Variants in ENTPD1 observed in about 807,000 individuals in gnomAD.
ENTPD1 encodes the protein ATP diphosphohydrolase.
ENTPD1 carries 33 observed loss-of-function variants against 57.0 expected under a neutral mutation model. That is an observed-to-expected ratio of 0.58 (90% CI 0.44 to 0.77). The LOEUF is 0.77. Ranked by LOEUF, ENTPD1 falls within the 30% of genes least tolerant of loss-of-function variation. The pLI, the probability that ENTPD1 is intolerant of heterozygous loss-of-function variation, is 0.00. For missense variants in ENTPD1, 501 were observed against 603.4 expected, an observed-to-expected ratio of 0.83 and a Z score of 1.78; for synonymous variants, 202 against 218.8, an observed-to-expected ratio of 0.92 and a Z score of 0.68.
At position 95,852,504 on chromosome 10, in the gene ENTPD1, C is replaced by T. The variant is rs548497327; in HGVS notation, c.1074+4798C>T. 2.6e-5 allele frequency among the ~76,000 whole-genome samples: 4 copies of T among 152,230 alleles called. No individual in the cohort carries two copies. The South Asian group carries it at 8.3e-4, about 32-fold the overall frequency. ...GGTGTATTAGACATGAAGTCTTTGC[C>T]CATGCCCATGTCCTGAATAGTATTG... On this transcript the variant is annotated intron_variant, in intron 7 of 9. Transcript: ENST00000371205.
intron 2 of ENTPD1, among the ~76,000 whole-genome samples, chr10:95,836,790 G>C (rs1566215516): frequency 6.6e-6 from 1 of 152,220 alleles, no homozygotes; most frequent in Non-Finnish European, 1.5e-5. Flanking sequence ...ATTGGAAAAT[G>C]CTGGTGTGGT....
chr10:95,848,059 GCAGTGT>G (rs1218792951), intron 7 of ENTPD1, among the ~76,000 whole-genome samples: 4 of 152,168 alleles, frequency 2.6e-5, no homozygotes, highest in Non-Finnish European at 5.9e-5. Context: ...GTTAGCCCCA[GCAGTGT>G]GGGAAAACTG....
chr10:95,845,428 G>C lies in ENTPD1; in HGVS notation c.645G>C (p.Gly215=), dbSNP rs974552212. The change falls in exon 6 of 10, where the codon GGG becomes GGC. Residue 215 remains glycine, a synonymous_variant. Transcript: ENST00000371205. ...AAACCTTTGGAGCTTTGGACCTTGG[G>C]GGAGCCTCTACACAAGTCACTTTTG... ...NQETFGALDL[G]GASTQVTFVP... is the part of the protein sequence containing the mutation. The C allele has an allele frequency of 1.2e-6, 2 of 1,614,074 alleles. No individual in the cohort carries two copies. Among genetic ancestry groups the C allele is most frequent in the Non-Finnish European group, 1.7e-6 (2 of 1,179,996 alleles).
chr10:95,713,033 T>TAAAA (rs1555272407), intron 1 of ENTPD1, among the ~76,000 whole-genome samples: 3 of 143,052 alleles, frequency 2.1e-5, no homozygotes, highest in South Asian at 2.2e-4. Flanking sequence ...GATTCTGTCT[T>TAAAA]AAAAAAAAAA....
At position 95,871,133 on chromosome 10, in the gene ENTPD1, C is replaced by T; in HGVS notation, c.*4750C>T. On this transcript the variant is annotated 3_prime_UTR_variant, in exon 10 of 10. Coordinates refer to ENST00000371205, the MANE Select transcript of ENTPD1 (RefSeq NM_001776.6). ...ATGAGCAAGCTCAATAAAATATAAA[C>T]AAGTCAGATAAACAGTGGGAGGAAT... is the stretch of plus-strand genomic sequence containing the variant. 1 of 985,402 alleles carries T rather than the reference C, an allele frequency of 1.0e-6. No homozygotes were observed. Among genetic ancestry groups the T allele is most frequent in the Non-Finnish European group, 1.2e-6 (1 of 829,922 alleles). 61.0% of individuals were successfully genotyped at this position (985,402 alleles called of 1,614,324 possible). A position where few individuals can be genotyped will look rare whatever the true frequency, so the allele number is the denominator to read the frequency against.
chr10:95,871,754 TAG>T lies in ENTPD1; in HGVS notation c.*5374_*5375del. 3.0e-6 allele frequency: 3 copies of T among 985,466 alleles called. No homozygotes were observed. The highest frequency in any genetic ancestry group is 3.6e-6 in the Non-Finnish European group (3 of 829,926). 61.0% of individuals were successfully genotyped at this position (985,466 alleles called of 1,614,324 possible). A position where few individuals can be genotyped will look rare whatever the true frequency, so the allele number is the denominator to read the frequency against. On this transcript the variant is annotated 3_prime_UTR_variant, in exon 10 of 10. Transcript: ENST00000371205. ...TGATGATGATCACCCTCATCAGCAC[TAG>T]AGTTGACTTGTTTTTATAACCCCTT...
At chr10:95,711,272 A>G (rs2097965360), upstream of ENTPD1, among the ~76,000 whole-genome samples, 1 of 152,184 alleles carries the variant, frequency 6.6e-6, no homozygotes, top group African/African-American at 2.4e-5. Flanking sequence ...CCCCACATTT[A>G]GACTGTTGAA....
rs1312317156 is a variant in ENTPD1 at position 95,806,118 on chromosome 10, T to TC, written c.17-17118dup. On this transcript the variant is annotated intron_variant, in intron 1 of 9. Coordinates refer to ENST00000371205, the MANE Select transcript of ENTPD1 (RefSeq NM_001776.6). Reference sequence around the variant, plus strand: ...CTTGGTTCCATTCTCCCTGTCACTTTCAGGTACACCAATCAGACATAGATT... The same window carrying TC: ...CTTGGTTCCATTCTCCCTGTCACTTTCCAGGTACACCAATCAGACATAGATT... Among the ~76,000 whole-genome samples, 105 of 152,376 alleles carry TC rather than the reference T, an allele frequency of 6.9e-4. 1 individual carries two copies. Among genetic ancestry groups the TC allele is most frequent in the African/African-American group, 2.4e-3 (100 of 41,588 alleles).
intron 7 of ENTPD1, among the ~76,000 whole-genome samples, chr10:95,850,915 C>T (rs747102383): frequency 1.3e-5 from 2 of 152,178 alleles, no homozygotes; most frequent in Non-Finnish European, 2.9e-5. Flanking sequence ...GTTTTTGCCA[C>T]AGTTGCATTC....
At chr10:95,752,447 G>T (rs1352372950), upstream of ENTPD1, among the ~76,000 whole-genome samples, 1 of 152,190 alleles carries the variant, frequency 6.6e-6, no homozygotes, top group Non-Finnish European at 1.5e-5. Flanking sequence ...CTGAGGTCAG[G>T]AGTTCGAGAC....
Position 95,860,462 on chromosome 10 carries a change from C to A in ENTPD1, c.1075-7C>A. 1 of 1,610,630 alleles carries A rather than the reference C, an allele frequency of 6.2e-7. No individual in the cohort carries two copies. Among genetic ancestry groups the A allele is most frequent in the East Asian group, 2.2e-5 (1 of 44,762 alleles). The stretch of plus-strand genomic sequence containing the variant: ...ACACAGCCTAAAACTGCGATTTTCT[C>A]TTGTAGGCATTTTCAGCTTTTTACT... On this transcript the variant is annotated splice_polypyrimidine_tract_variant and splice_region_variant and intron_variant, in intron 7 of 9. Transcript: ENST00000371205.
intron 1 of ENTPD1, among the ~76,000 whole-genome samples, chr10:95,806,504 A>G (rs1476533470): frequency 6.6e-6 from 1 of 152,222 alleles, no homozygotes; most frequent in Non-Finnish European, 1.5e-5. Context: ...CGTCAAAGTC[A>G]TTCTCCATCC....
intron 1 of ENTPD1, among the ~76,000 whole-genome samples, chr10:95,800,406 C>T (rs1566164127): frequency 6.6e-6 from 1 of 152,134 alleles, no homozygotes; most frequent in Non-Finnish European, 1.5e-5. Context: ...ATTAGAATTA[C>T]TGATGAGGGC....
chr10:95,744,988 A>T (rs971137941), intron 1 of ENTPD1, among the ~76,000 whole-genome samples: 4 of 152,138 alleles, frequency 2.6e-5, no homozygotes, highest in African/African-American at 7.2e-5. Context: ...GCAGTTTTTT[A>T]AAAAATTTAA....
intron 1 of ENTPD1, among the ~76,000 whole-genome samples, chr10:95,761,362 T>G (rs1234827750): frequency 2.0e-5 from 3 of 152,196 alleles, no homozygotes; most frequent in African/African-American, 7.2e-5. Context: ...TCTGATCCAA[T>G]AGCTCTGAAG....
chr10:95,792,261 G>A (rs2098207638), intron 1 of ENTPD1, among the ~76,000 whole-genome samples: 1 of 152,124 alleles, frequency 6.6e-6, no homozygotes, highest in African/African-American at 2.4e-5. Context: ...GGTCACCCGA[G>A]TGCCCCATAA....
chr10:95,844,065 T>A (rs2098428350), intron 4 of ENTPD1, among the ~76,000 whole-genome samples: 1 of 152,056 alleles, frequency 6.6e-6, no homozygotes, highest in African/African-American at 2.4e-5. Flanking sequence ...TGGAGCAGAG[T>A]CTGGCCATGT....
chr10:95,743,971 C>A (rs1255573479), intron 1 of ENTPD1, among the ~76,000 whole-genome samples: 18 of 105,110 alleles, frequency 1.7e-4, no homozygotes, highest in African/African-American at 4.9e-4. Flanking sequence ...GCTGACAGAG[C>A]AAGAAAATAT....
upstream of ENTPD1, among the ~76,000 whole-genome samples, chr10:95,708,490 G>C (rs1321165137): frequency 6.6e-6 from 1 of 152,210 alleles, no homozygotes; most frequent in African/African-American, 2.4e-5. Context: ...GGGATTACAG[G>C]CATGAGCTGC....
Sources: gnomAD v4.1 joint callset for allele counts (sites outside exome capture counted in the v4.1 genomes callset) on GRCh38, gnomAD v4.1.1 for gene constraint, MANE v1.5 for transcripts, NCBI Gene and HGNC (gene_info 2026-07-23, HGNC 2026-07-21) for gene names.